Variants in KIR2DL3 observed in about 807,000 individuals in gnomAD.
The protein encoded by KIR2DL3 is killer cell immunoglobulin like receptor, two Ig domains and long cytoplasmic tail 3.
A neutral mutation model predicts 33.8 loss-of-function variants in KIR2DL3; 39 were observed. That is an observed-to-expected ratio of 1.15 (90% CI 0.89 to 1.51). KIR2DL3 has a LOEUF of 1.51. Ranked by LOEUF, KIR2DL3 falls within the 40% of genes most tolerant of loss-of-function variation. The probability of loss-of-function intolerance (pLI) is 0.00; values close to 1 mark genes in which losing one functional copy is unlikely to be tolerated. For synonymous variants in KIR2DL3, 174 were observed against 160.2 expected (o/e 1.09, Z -0.65); for missense variants, 462 against 426.2 (o/e 1.08, Z -0.74).
At chr19:54,744,954 A>ATTTT (rs71195797) in intron 4 of KIR2DL3, among the ~76,000 whole-genome samples, 33 of 31,256 alleles carry the variant, frequency 1.1e-3, no homozygotes, top group Non-Finnish European at 1.2e-3. Context: ...ATATATATAT[A>ATTTT]TTTTTTTTTT....
At chr19:54,744,154 T>C in intron 4 of KIR2DL3, 66 bp downstream of exon 4, 3 of 1,598,690 alleles carry the variant, frequency 1.9e-6, no homozygotes, top group South Asian at 2.2e-5. Context: ...AGCTTCCTGC[T>C]GATGATGGAG....
chr19:54,741,670 C>T (rs1268331736), intron 2 of KIR2DL3, among the ~76,000 whole-genome samples: 3 of 151,854 alleles, frequency 2.0e-5, no homozygotes, highest in Non-Finnish European at 4.4e-5. Flanking sequence ...GCAGCCTATC[C>T]TGGTTCCTCT....
chr19:54,748,870 GAC>G (rs903779671), intron 5 of KIR2DL3, among the ~76,000 whole-genome samples: 1 of 144,666 alleles, frequency 6.9e-6, no homozygotes, highest in African/African-American at 2.6e-5. Context: ...CAAGTGATCC[GAC>G]CGTCTCAGCA....
In KIR2DL3 at chr19:54,751,281, AGGAACTAATAGAAGG is replaced by A. The variant is rs2073377766; in HGVS notation, c.716-361_716-347del. ...AGCTCTTTTGAACAACCAGCTCTCCAGGAACTAATAGAAGGGGAACTTGCTAACCCCGTCTCCTTG... is the reference window on the plus strand; with the variant it reads ...AGCTCTTTTGAACAACCAGCTCTCCAGGAACTTGCTAACCCCGTCTCCTTG... On this transcript the variant is annotated intron_variant, in intron 5 of 7. Transcript: ENST00000342376. 1.6e-5 allele frequency among the ~76,000 whole-genome samples: 2 copies of A among 127,000 alleles called. 1 individual carries two copies. The allele number at this position is 127,000 out of a possible 152,430, so 83.3% of individuals were successfully genotyped here. A position where few individuals can be genotyped will look rare whatever the true frequency, so the allele number is the denominator to read the frequency against.
At chr19:54,741,722 T>C (rs769238025) in intron 2 of KIR2DL3, among the ~76,000 whole-genome samples, 4 of 150,706 alleles carry the variant, frequency 2.7e-5, no homozygotes, top group Non-Finnish European at 4.4e-5. Flanking sequence ...TAGTGTGAAA[T>C]AGATACAACA....
At chr19:54,744,274 A>G (rs1402391306) in intron 4 of KIR2DL3, among the ~76,000 whole-genome samples, 186 bp downstream of exon 4, 1 of 152,120 alleles carries the variant, frequency 6.6e-6, no homozygotes, top group Non-Finnish European at 1.5e-5. Flanking sequence ...GCCTGCATGA[A>G]GGCCCGCGGC....
At chr19:54,751,277 C>T (rs1344329253) in intron 5 of KIR2DL3, among the ~76,000 whole-genome samples, 1 of 129,892 alleles carries the variant, frequency 7.7e-6, no homozygotes, top group Non-Finnish European at 1.7e-5. Flanking sequence ...ACAACCAGCT[C>T]TCCAGGAACT....
Position 54,752,587 on chromosome 19 carries a change from G to A in KIR2DL3, c.*68G>A. 6.2e-6 allele frequency: 9 copies of A among 1,449,328 alleles called. 2 individuals carry two copies. Among genetic ancestry groups the A allele is most frequent in the Non-Finnish European group, 8.5e-6 (9 of 1,063,634 alleles). 89.8% of individuals were successfully genotyped at this position (1,449,328 alleles called of 1,614,324 possible). A position where few individuals can be genotyped will look rare whatever the true frequency, so the allele number is the denominator to read the frequency against. ...GAGGGGATCTTCTAGGGAGACAACA[G>A]CCCTGTCTCAAAACTGGGTTGCCAG... On this transcript the variant is annotated 3_prime_UTR_variant, in exon 8 of 8. Transcript: ENST00000342376.
intron 3 of KIR2DL3, among the ~76,000 whole-genome samples, chr19:54,742,843 T>C (rs2071434902): frequency 1.3e-5 from 2 of 150,798 alleles, no homozygotes; most frequent in Non-Finnish European, 3.0e-5. Flanking sequence ...TGGCTCACAT[T>C]CCAAATAACC....
chr19:54,740,101 T>C (rs374050494), intron 2 of KIR2DL3, among the ~76,000 whole-genome samples: 9,131 of 152,106 alleles, frequency 0.06, 373 homozygotes, highest in African/African-American at 0.12. Flanking sequence ...GAGGCTTTTG[T>C]TGTAGGGAGA....
chr19:54,741,516 G>A (rs1360956332), intron 2 of KIR2DL3, among the ~76,000 whole-genome samples: 1 of 152,116 alleles, frequency 6.6e-6, no homozygotes, highest in African/African-American at 2.4e-5. Flanking sequence ...AGAAGGCACA[G>A]GCATGGCAAG....
At chr19:54,749,397 C>G (rs1345050019) in intron 5 of KIR2DL3, among the ~76,000 whole-genome samples, 1 of 133,342 alleles carries the variant, frequency 7.5e-6, no homozygotes, top group Admixed American at 7.6e-5. Flanking sequence ...GATTTAGACA[C>G]TAAATGAATG....
At chr19:54,747,528 G>T (rs915946810) in intron 5 of KIR2DL3, 143 bp downstream of exon 5, 2 of 1,134,556 alleles carry the variant, frequency 1.8e-6, no homozygotes, top group Non-Finnish European at 2.7e-6. Flanking sequence ...CTCCAACAGC[G>T]AAAGGGATCT....
Position 54,743,823 on chromosome 19 carries a change from C to G in KIR2DL3, c.399C>G (p.Ala133=). The change falls in exon 4 of 8, where the codon GCC becomes GCG. Residue 133 remains alanine (A), a synonymous_variant. Transcript: ENST00000342376. ...TGLYEKPSLS[A]QPGPTVLAGE... is the part of the protein sequence containing the mutation. ...TATATGAGAAACCTTCTCTCTCAGC[C>G]CAGCCGGGCCCCACGGTTCTGGCAG... 1.2e-6 allele frequency: 2 copies of G among 1,611,068 alleles called. No individual in the cohort carries two copies. Among genetic ancestry groups the G allele is most frequent in the African/African-American group, 1.3e-5 (1 of 74,450 alleles).
intron 2 of KIR2DL3, among the ~76,000 whole-genome samples, chr19:54,740,762 G>A (rs2070905463): frequency 6.6e-6 from 1 of 151,978 alleles, no homozygotes; most frequent in Admixed American, 6.6e-5. Flanking sequence ...GACTATTTAT[G>A]TTATAGGGGA....
At chr19:54,746,279 A>G (rs1368600902) in intron 4 of KIR2DL3, among the ~76,000 whole-genome samples, 1 of 133,502 alleles carries the variant, frequency 7.5e-6, no homozygotes, top group Non-Finnish European at 1.6e-5. Context: ...AGCTTCTTAT[A>G]TTTCTAGTTA....
At chr19:54,744,886 A>ATGTATG in intron 4 of KIR2DL3, among the ~76,000 whole-genome samples, 1 of 67,422 alleles carries the variant, frequency 1.5e-5, no homozygotes, top group Non-Finnish European at 3.3e-5. Context: ...ATATATATAT[A>ATGTATG]TATATATATA....
Position 54,745,408 on chromosome 19 carries a change from C to A in KIR2DL3, c.664+1320C>A, listed in dbSNP as rs183501492. Among the ~76,000 whole-genome samples the A allele has an allele frequency of 4.4e-3, 663 of 151,596 alleles. 4 individuals are homozygous for A. The highest frequency in any genetic ancestry group is 0.015 in the African/African-American group (622 of 41,294). On this transcript the variant is annotated intron_variant, in intron 4 of 7. Coordinates refer to ENST00000342376, the MANE Select transcript of KIR2DL3 (RefSeq NM_015868.3). ...GAGACAGTTTCCCTCTGTGCCCAGG[C>A]TGGAGTACAAGTGAAGTCATCTTGG... is the stretch of plus-strand genomic sequence containing the variant.
intron 4 of KIR2DL3, among the ~76,000 whole-genome samples, chr19:54,744,573 C>G (rs577158768): frequency 1.3e-5 from 2 of 151,050 alleles, no homozygotes; most frequent in African/African-American, 4.9e-5. Flanking sequence ...GTCCCCTATG[C>G]TGGAGTGCAG....
Sources: gnomAD v4.1 joint callset for allele counts (sites outside exome capture counted in the v4.1 genomes callset) on GRCh38, gnomAD v4.1.1 for gene constraint, MANE v1.5 for transcripts, NCBI Gene and HGNC (gene_info 2026-07-23, HGNC 2026-07-21) for gene names.